Variants in PRDM1 observed in about 807,000 individuals in gnomAD.
PRDM1 encodes the protein PR domain zinc finger protein 1.
A neutral mutation model predicts 62.8 loss-of-function variants in PRDM1; 13 were observed. The observed-to-expected ratio is 0.21, with a 90% CI of 0.13 to 0.33. The LOEUF (loss-of-function observed/expected upper bound fraction) is 0.33. Among genes scored for constraint, PRDM1 ranks in the 10% least tolerant of loss-of-function variants. The probability of loss-of-function intolerance (pLI) is 1.00; values close to 1 mark genes in which losing one functional copy is unlikely to be tolerated. For synonymous variants in PRDM1, 396 were observed against 417.6 expected (o/e 0.95, Z 0.63); for missense variants, 895 against 1,058.8 (o/e 0.85, Z 2.15).
chr6:106,103,049 G>A (rs555791784), intron 4 of PRDM1, among the ~76,000 whole-genome samples: 5 of 152,170 alleles, frequency 3.3e-5, no homozygotes, highest in East Asian at 1.9e-4. Flanking sequence ...CTGAAAGACC[G>A]ATATTGGCCT....
intron 1 of PRDM1, among the ~76,000 whole-genome samples, chr6:106,037,351 T>G (rs1454789526): frequency 6.6e-6 from 1 of 152,228 alleles, no homozygotes; most frequent in Non-Finnish European, 1.5e-5. Context: ...TTCATTATAC[T>G]TGAAGTTCAC....
intron 4 of PRDM1, chr6:106,100,299 A>G (rs1340477778): frequency 6.6e-6 from 1 of 152,258 alleles, no homozygotes; most frequent in Non-Finnish European, 1.5e-5. Flanking sequence ...CTCTGCTGTA[A>G]CTATGGTTGT....
chr6:106,031,401 A>T (rs1772842397), intron 1 of PRDM1, among the ~76,000 whole-genome samples: 1 of 152,198 alleles, frequency 6.6e-6, no homozygotes, highest in South Asian at 2.1e-4. Flanking sequence ...CTTCCTGGAG[A>T]AGTGCTCTCC....
At chr6:106,068,870 G>C (rs544544896) in intron 1 of PRDM1, among the ~76,000 whole-genome samples, 13 of 152,342 alleles carry the variant, frequency 8.5e-5, no homozygotes, top group African/African-American at 3.1e-4. Context: ...AACATTCTCT[G>C]TTTGGAGGCT....
intron 2 of PRDM1, among the ~76,000 whole-genome samples, chr6:106,091,629 A>G (rs1471179174): frequency 6.6e-6 from 1 of 151,712 alleles, no homozygotes; most frequent in Non-Finnish European, 1.5e-5. Context: ...AAAATACAAA[A>G]ATTAGCCGGG....
intron 1 of PRDM1, among the ~76,000 whole-genome samples, chr6:106,038,014 C>CTTGTTTTTTTTTTTTTTTTTT (rs1772944859): frequency 2.1e-5 from 1 of 47,800 alleles, no homozygotes. Flanking sequence ...CTATTTTTGT[C>CTTGTTTTTTTTTTTTTTTTTT]TTTTTTTTTT....
chr6:106,105,024 C>T lies in PRDM1; in HGVS notation c.864C>T (p.Ser288=), dbSNP rs1397004350. 1.2e-6 allele frequency: 2 copies of T among 1,614,142 alleles called. No individual in the cohort carries two copies. Among genetic ancestry groups the T allele is most frequent in the Non-Finnish European group, 1.7e-6 (2 of 1,180,028 alleles). Residue 288 remains serine (S), a synonymous_variant, in exon 5 of 7, where the codon AGC becomes AGT. Transcript: ENST00000369096. ...KDLDDFRRRG[S]PEMPFYPRVV... is the part of the protein sequence containing the mutation. ...TCGATGACTTTAGAAGACGTGGGAG[C>T]CCCGAAATGCCCTTCTACCCTCGGG...
chr6:106,099,459 C>T lies in PRDM1; in HGVS notation c.571C>T (p.Pro191Ser), dbSNP rs1281003778. The T allele has an allele frequency of 3.1e-6, 5 of 1,614,190 alleles. No individual in the cohort carries two copies. Reference sequence around the variant, plus strand: ...CTACTTCTACACCATTAAGCCCATCCCTGCCAACCAGGAACTTCTTGTGTG... The same window carrying T: ...CTACTTCTACACCATTAAGCCCATCTCTGCCAACCAGGAACTTCTTGTGTG... ...NIYFYTIKPI[P>S]ANQELLVWYC... Residue 191 changes from proline to serine, a missense_variant, in exon 4 of 7, where the codon CCT becomes TCT. This residue lies in a region of PRDM1 where 213 missense variants were observed against 283.9 expected (regional missense o/e 0.75). Coordinates refer to ENST00000369096, the MANE Select transcript of PRDM1 (RefSeq NM_001198.4).
In PRDM1 at chr6:106,095,596, T is replaced by C; in HGVS notation, c.292-19T>C. The C allele has an allele frequency of 6.2e-7, 1 of 1,608,940 alleles. No individual in the cohort carries two copies. Among genetic ancestry groups the C allele is most frequent in the Non-Finnish European group, 8.5e-7 (1 of 1,177,976 alleles). On this transcript the variant is annotated intron_variant, in intron 2 of 6. Transcript: ENST00000369096. ...TTTTATAGTCAAAGTAATTGTTTCCTGTGTTTTTTCCTGTTTAGGTTATTG... is the reference window on the plus strand; with the variant it reads ...TTTTATAGTCAAAGTAATTGTTTCCCGTGTTTTTTCCTGTTTAGGTTATTG...
intron 1 of PRDM1, among the ~76,000 whole-genome samples, chr6:106,035,130 G>A (rs1016797787): frequency 2.0e-5 from 3 of 152,124 alleles, no homozygotes; most frequent in Non-Finnish European, 4.4e-5. Flanking sequence ...TATTGAGAGT[G>A]AAGTATTGCA....
chr6:106,075,041 T>G (rs1484620908), intron 1 of PRDM1, among the ~76,000 whole-genome samples: 1 of 152,222 alleles, frequency 6.6e-6, no homozygotes, highest in Non-Finnish European at 1.5e-5. Context: ...TTGTATAGTT[T>G]AAAAACTATT....
chr6:106,109,095 A>AG lies in PRDM1; in HGVS notation c.*1609_*1610insG, dbSNP rs1320559289. On this transcript the variant is annotated 3_prime_UTR_variant, in exon 7 of 7. Coordinates refer to ENST00000369096, the MANE Select transcript of PRDM1 (RefSeq NM_001198.4). ...AAGATCTACTTTTTCTAAGGGCAAA[A>AG]AAAAAAAAAAAAAAAAAAGAACACT... The AG allele has an allele frequency of 1.7e-5, 3 of 173,520 alleles. No individual in the cohort carries two copies. Among genetic ancestry groups the AG allele is most frequent in the Non-Finnish European group, 2.4e-5 (2 of 81,812 alleles). 10.7% of individuals were successfully genotyped at this position (173,520 alleles called of 1,614,324 possible).
At chr6:106,052,964 C>G (rs1773203441) in intron 1 of PRDM1, among the ~76,000 whole-genome samples, 1 of 149,828 alleles carries the variant, frequency 6.7e-6, no homozygotes, top group South Asian at 2.1e-4. Context: ...GAGACTCTAT[C>G]TCAAAAAAAA....
At chr6:106,042,350 G>A (rs7747343) in intron 1 of PRDM1, among the ~76,000 whole-genome samples, 86,795 of 149,188 alleles carry the variant, frequency 0.58, 25,851 homozygotes, top group East Asian at 0.81. Flanking sequence ...GAGAAACCCC[G>A]TCTCTACCAA....
chr6:106,069,578 T>C (rs748702228), intron 1 of PRDM1, among the ~76,000 whole-genome samples: 13 of 152,228 alleles, frequency 8.5e-5, no homozygotes, highest in Non-Finnish European at 1.9e-4. Context: ...CGCCTCACTC[T>C]TCTATGGTTT....
chr6:106,008,850 A>G (rs1772510888), intron 1 of PRDM1, among the ~76,000 whole-genome samples: 1 of 152,034 alleles, frequency 6.6e-6, no homozygotes, highest in African/African-American at 2.4e-5. Context: ...TTGGCTTTGT[A>G]TTCTCCTGTC....
intron 1 of PRDM1, among the ~76,000 whole-genome samples, chr6:106,036,354 T>A (rs1772925959): frequency 6.6e-6 from 1 of 152,206 alleles, no homozygotes; most frequent in Non-Finnish European, 1.5e-5. Flanking sequence ...GGTTTCATCA[T>A]GTTGCCCAGG....
At chr6:106,024,426 T>C (rs1004650112) in intron 1 of PRDM1, among the ~76,000 whole-genome samples, 1 of 152,210 alleles carries the variant, frequency 6.6e-6, no homozygotes, top group Non-Finnish European at 1.5e-5. Flanking sequence ...TTAAAAATAC[T>C]CTCGACACCT....
chr6:106,032,997 T>G (rs1772868143), intron 1 of PRDM1, among the ~76,000 whole-genome samples: 1 of 152,082 alleles, frequency 6.6e-6, no homozygotes, highest in African/African-American at 2.4e-5. Flanking sequence ...AAAAGCCCTA[T>G]GAGGTGGGTT....
Sources: allele counts gnomAD v4.1 joint callset (sites outside exome capture counted in the v4.1 genomes callset), GRCh38; gene constraint gnomAD v4.1.1; regional missense constraint gnomAD v4.1.1; transcripts MANE v1.5; gene names NCBI Gene and HGNC (gene_info 2026-07-23, HGNC 2026-07-21).